Variants in DNAH12 observed in about 807,000 individuals in gnomAD.
DNAH12 encodes the protein dynein axonemal heavy chain 12, also known as axonemal beta dynein heavy chain 12.
A neutral mutation model predicts 371.5 loss-of-function variants in DNAH12; 285 were observed. That is an observed-to-expected ratio of 0.77 (90% CI 0.70 to 0.85). The LOEUF is 0.85. Ranked by LOEUF, DNAH12 falls within the 40% of genes least tolerant of loss-of-function variation. The probability of loss-of-function intolerance (pLI) is 0.00; values close to 1 mark genes in which losing one functional copy is unlikely to be tolerated. For synonymous variants in DNAH12, 1,200 were observed against 1,213.0 expected, an observed-to-expected ratio of 0.99 and a Z score of 0.22; for missense variants, 3,611 against 3,689.4, an observed-to-expected ratio of 0.98 and a Z score of 0.55.
At chr3:57,411,777 C>T (rs537290046) in intron 39 of DNAH12, among the ~76,000 whole-genome samples, 29 of 152,164 alleles carry the variant, frequency 1.9e-4, no homozygotes, top group Admixed American at 1.4e-3. Flanking sequence ...GTAGATTCAA[C>T]GCAATCCCAA....
intron 60 of DNAH12, among the ~76,000 whole-genome samples, chr3:57,336,314 G>C (rs1384489695): frequency 6.6e-6 from 1 of 152,178 alleles, no homozygotes; most frequent in Non-Finnish European, 1.5e-5. Context: ...AGATGTGAAA[G>C]AGATAATTTA....
intron 4 of DNAH12, 76 bp downstream of exon 4, chr3:57,523,507 G>A (rs914652110): frequency 2.5e-6 from 3 of 1,209,570 alleles, no homozygotes; most frequent in South Asian, 1.5e-5. Flanking sequence ...GACTTAGCAG[G>A]TGGTCTTAGA....
chr3:57,460,762 ACCCCAGCTCTGT>A (rs2066034053), intron 19 of DNAH12, among the ~76,000 whole-genome samples: 1 of 152,124 alleles, frequency 6.6e-6, no homozygotes, highest in Non-Finnish European at 1.5e-5. Context: ...CTTGGTTTGA[ACCCCAGCTCTGT>A]CACTTATTAG....
chr3:57,492,751 G>A (rs960180923), intron 11 of DNAH12, among the ~76,000 whole-genome samples: 1 of 152,120 alleles, frequency 6.6e-6, no homozygotes, highest in African/African-American at 2.4e-5. Context: ...GCTCACACCT[G>A]TAATCCCAGC....
intron 13 of DNAH12, among the ~76,000 whole-genome samples, chr3:57,479,872 C>T (rs1454242679): frequency 9.2e-5 from 14 of 152,002 alleles, no homozygotes; most frequent in East Asian, 5.8e-4. Flanking sequence ...TTGAAACCAA[C>T]GAGAACAAAG....
intron 4 of DNAH12, among the ~76,000 whole-genome samples, chr3:57,514,927 A>C (rs2153395486): frequency 6.6e-6 from 1 of 152,340 alleles, no homozygotes; most frequent in South Asian, 2.1e-4. Flanking sequence ...TTTGTTTTTC[A>C]CAGTAGTATG....
chr3:57,294,283 T>C (rs1334209989), intron 73 of DNAH12, among the ~76,000 whole-genome samples: 1 of 151,754 alleles, frequency 6.6e-6, no homozygotes, highest in Non-Finnish European at 1.5e-5. Flanking sequence ...TTCAAGCGAT[T>C]CTCTTGTCTC....
chr3:57,312,346 G>C (rs1246942865), intron 66 of DNAH12, among the ~76,000 whole-genome samples: 2 of 152,084 alleles, frequency 1.3e-5, no homozygotes, highest in Non-Finnish European at 2.9e-5. Flanking sequence ...TGTTCAACTG[G>C]GTTCCTTCCC....
intron 55 of DNAH12, among the ~76,000 whole-genome samples, chr3:57,373,870 G>A (rs2063228311): frequency 6.6e-6 from 1 of 152,138 alleles, no homozygotes; most frequent in Non-Finnish European, 1.5e-5. Flanking sequence ...AGTTTTGAGT[G>A]CAAACTCAAT....
At chr3:57,444,881 C>T (rs1445796165) in intron 28 of DNAH12, 65 bp from the exon 29 acceptor site, 1 of 1,466,686 alleles carries the variant, frequency 6.8e-7, no homozygotes. Flanking sequence ...ACTTCTCCCT[C>T]CCCTCCCAGC....
In DNAH12 at chr3:57,413,755, C is replaced by T; in HGVS notation, c.6011G>A (p.Cys2004Tyr). 1 of 1,550,126 alleles carries T rather than the reference C, an allele frequency of 6.5e-7. No homozygotes were observed. The highest frequency in any genetic ancestry group is 8.7e-7 in the Non-Finnish European group (1 of 1,146,446). ...PIELLRQFFD[C>Y]GHWYDLKDTS... ...CGAATTAAATAGTTACCAATGTCCA[C>T]AGTCAAAAAACTGTCGTAATAATTC... Residue 2004 changes from cysteine (C) to tyrosine (Y), a missense_variant, in exon 39 of 74, where the codon TGT (cysteine) becomes TAT (tyrosine). Physicochemically the swap from Cys to Tyr is radical, Grantham distance 194. Coordinates refer to ENST00000495027, the MANE Select transcript of DNAH12 (RefSeq NM_001366028.2).
chr3:57,385,585 G>C (rs1425683388), intron 47 of DNAH12, among the ~76,000 whole-genome samples, 156 bp from the exon 48 acceptor site: 3 of 150,864 alleles, frequency 2.0e-5, no homozygotes, highest in South Asian at 4.1e-4. Context: ...ACAAAACTAT[G>C]AAAGTGTGGG....
intron 29 of DNAH12, among the ~76,000 whole-genome samples, chr3:57,440,788 G>A (rs2065278088): frequency 6.6e-6 from 1 of 152,160 alleles, no homozygotes; most frequent in Non-Finnish European, 1.5e-5. Context: ...GGGAGTTCAA[G>A]ACCAGCCTGA....
At chr3:57,338,988 G>A (rs2153311950) in intron 60 of DNAH12, among the ~76,000 whole-genome samples, 1 of 152,366 alleles carries the variant, frequency 6.6e-6, no homozygotes, top group African/African-American at 2.4e-5. Flanking sequence ...CTGTGTCTGT[G>A]TAGAAAGAAG....
intron 62 of DNAH12, among the ~76,000 whole-genome samples, chr3:57,325,248 G>C (rs2061912640): frequency 6.6e-6 from 1 of 152,358 alleles, no homozygotes; most frequent in East Asian, 1.9e-4. Flanking sequence ...CTGGAGATCT[G>C]AGAACGGGCA....
At chr3:57,521,011 C>A (rs1466062937) in intron 4 of DNAH12, among the ~76,000 whole-genome samples, 1 of 127,656 alleles carries the variant, frequency 7.8e-6, no homozygotes, top group East Asian at 2.4e-4. Flanking sequence ...TTGCAGTGAG[C>A]CGAGATCGCG....
intron 39 of DNAH12, among the ~76,000 whole-genome samples, chr3:57,413,463 C>T (rs539887682): frequency 1.9e-4 from 29 of 152,056 alleles, no homozygotes; most frequent in African/African-American, 6.3e-4. Flanking sequence ...GATATACCAA[C>T]GCAGGCTTAT....
intron 69 of DNAH12, among the ~76,000 whole-genome samples, chr3:57,302,536 T>TATAC (rs1357219874): frequency 2.2e-5 from 1 of 46,078 alleles, no homozygotes; most frequent in East Asian, 1.5e-3. Flanking sequence ...GGTGTATATA[T>TATAC]ATATATATAT....
At chr3:57,427,137 A>G (rs2064797161) in intron 34 of DNAH12, among the ~76,000 whole-genome samples, 1 of 70,520 alleles carries the variant, frequency 1.4e-5, no homozygotes, top group Non-Finnish European at 3.2e-5. Flanking sequence ...GTAAGAAGCG[A>G]ATGTGTGTGT....
Sources: gnomAD v4.1 joint callset for allele counts (sites outside exome capture counted in the v4.1 genomes callset) on GRCh38, gnomAD v4.1.1 for gene constraint, MANE v1.5 for transcripts, NCBI Gene and HGNC (gene_info 2026-07-23, HGNC 2026-07-21) for gene names.